Variants in TMCO4 observed in about 807,000 individuals in gnomAD.
TMCO4 encodes the protein transmembrane and coiled-coil domains 4.
A neutral mutation model predicts 64.7 loss-of-function variants in TMCO4; 58 were observed. The observed-to-expected ratio is 0.90, with a 90% confidence interval of 0.73 to 1.12. The LOEUF (loss-of-function observed/expected upper bound fraction) is 1.12. Among genes scored for constraint, TMCO4 ranks in the 50% most tolerant of loss-of-function variants. TMCO4 has a pLI of 0.00. For synonymous variants in TMCO4, 325 were observed against 346.1 expected (o/e 0.94, Z 0.68); for missense variants, 780 against 825.9 (o/e 0.94, Z 0.68).
At chr1:19,782,388 G>A (rs1323681072) in intron 3 of TMCO4, among the ~76,000 whole-genome samples, 2 of 152,174 alleles carry the variant, frequency 1.3e-5, no homozygotes, top group Admixed American at 6.5e-5. Flanking sequence ...CATGTGGGAG[G>A]GAGTATTGGC....
intron 15 of TMCO4, among the ~76,000 whole-genome samples, chr1:19,692,013 C>A (rs2095199097): frequency 6.6e-6 from 1 of 152,180 alleles, no homozygotes; most frequent in African/African-American, 2.4e-5. Flanking sequence ...GCCTCCCCAG[C>A]CACGTGAAAT....
At chr1:19,741,666 C>A (rs1053338019) in intron 10 of TMCO4, among the ~76,000 whole-genome samples, 1 of 152,086 alleles carries the variant, frequency 6.6e-6, no homozygotes, top group Non-Finnish European at 1.5e-5. Flanking sequence ...AGTATAGGAG[C>A]ACAGAGGGGC....
At position 19,780,685 on chromosome 1, in the gene TMCO4, T is replaced by A. The variant is rs1181356132; in HGVS notation, c.74A>T (p.Glu25Val). The A allele has an allele frequency of 6.2e-7, 1 of 1,613,608 alleles. No homozygotes were observed. ...CTCCCGGCCCGTGGGCAGGTGTGGCTCCCCCTCTGCAGTGGGCTCAGCTAC... is the reference window on the plus strand; with the variant it reads ...CTCCCGGCCCGTGGGCAGGTGTGGCACCCCCTCTGCAGTGGGCTCAGCTAC... ...PLVAEPTAEGEPHLPTGRELT... is the reference protein window; with the variant it reads ...PLVAEPTAEGVPHLPTGRELT... The change falls in exon 4 of 16, where the codon GAG becomes GTG. Residue 25 changes from glutamate to valine, a missense_variant. Coordinates refer to ENST00000294543, the MANE Select transcript of TMCO4 (RefSeq NM_181719.7).
intron 6 of TMCO4, among the ~76,000 whole-genome samples, chr1:19,766,601 C>T (rs1386620194): frequency 1.3e-5 from 2 of 152,170 alleles, no homozygotes; most frequent in Non-Finnish European, 2.9e-5. Flanking sequence ...CCCTGCCTGC[C>T]AGCTCCATGC....
chr1:19,756,006 G>T (rs545282943), intron 6 of TMCO4, among the ~76,000 whole-genome samples: 9 of 152,292 alleles, frequency 5.9e-5, no homozygotes, highest in African/African-American at 1.9e-4. Context: ...CAGCACTTCG[G>T]GGGGCTGAGG....
In TMCO4 at chr1:19,713,252, G is replaced by A. The variant is rs181152865; in HGVS notation, c.1265-12367C>T. 3.5e-3 allele frequency among the ~76,000 whole-genome samples: 540 copies of A among 152,224 alleles called. 3 individuals are homozygous for A. Among genetic ancestry groups the A allele is most frequent in the South Asian group, 5.6e-3 (27 of 4,824 alleles). On this transcript the variant is annotated intron_variant, in intron 13 of 15. Coordinates refer to ENST00000294543, the MANE Select transcript of TMCO4 (RefSeq NM_181719.7). Reference sequence around the variant, plus strand: ...ACAGGCAGGGGTGGGAATTATGGCCGTTTTTTGCCATCAGTCTACCACAGA... The same window carrying A: ...ACAGGCAGGGGTGGGAATTATGGCCATTTTTTGCCATCAGTCTACCACAGA...
intron 14 of TMCO4, among the ~76,000 whole-genome samples, chr1:19,695,310 G>A (rs2095228781): frequency 6.6e-6 from 1 of 152,190 alleles, no homozygotes; most frequent in African/African-American, 2.4e-5. Context: ...CAGAGGACAT[G>A]GTCTGAGGGG....
intron 13 of TMCO4, among the ~76,000 whole-genome samples, chr1:19,714,095 TCTAA>T (rs72263718): frequency 0.054 from 8,196 of 152,076 alleles, 659 homozygotes; most frequent in East Asian, 0.45. Context: ...CACCACCACA[TCTAA>T]CTAATTTTTA....
rs543465615 is a variant in TMCO4, at chr1:19,736,830, G to C, written c.1264+542C>G. ...AGAACCTGTGAATGCGACCTCATCT[G>C]GTAAAAGGGTCGTTGCAGATATAAT... On this transcript the variant is annotated intron_variant, in intron 13 of 15. Coordinates refer to ENST00000294543, the MANE Select transcript of TMCO4 (RefSeq NM_181719.7). 1.1e-4 allele frequency among the ~76,000 whole-genome samples: 16 copies of C among 152,288 alleles called. 1 individual carries two copies. The South Asian group carries it at 3.3e-3, about 32-fold the overall frequency.
intron 13 of TMCO4, among the ~76,000 whole-genome samples, chr1:19,707,513 C>T (rs2095308503): frequency 6.6e-6 from 1 of 152,222 alleles, no homozygotes; most frequent in South Asian, 2.1e-4. Flanking sequence ...ATCCCAACTT[C>T]TTGGGAGGCT....
intron 13 of TMCO4, among the ~76,000 whole-genome samples, chr1:19,709,503 A>G (rs933658507): frequency 2.6e-5 from 4 of 152,190 alleles, no homozygotes; most frequent in African/African-American, 9.7e-5. Context: ...TCTCTTCTGC[A>G]TTTCAGCTGA....
At chr1:19,756,076 C>A (rs944846478) in intron 6 of TMCO4, among the ~76,000 whole-genome samples, 1 of 151,918 alleles carries the variant, frequency 6.6e-6, no homozygotes, top group Admixed American at 6.6e-5. Flanking sequence ...GTGAGACCCC[C>A]TCACCTCTAC....
At chr1:19,712,637 A>G (rs940251362) in intron 13 of TMCO4, among the ~76,000 whole-genome samples, 4 of 152,074 alleles carry the variant, frequency 2.6e-5, no homozygotes, top group African/African-American at 9.7e-5. Context: ...AAAAAAAAGA[A>G]AAAAGAAAAG....
intron 13 of TMCO4, among the ~76,000 whole-genome samples, chr1:19,704,568 G>T (rs1284570236): frequency 6.6e-6 from 1 of 152,216 alleles, no homozygotes; most frequent in African/African-American, 2.4e-5. Context: ...AGTGCCAAAT[G>T]GTTGTGGACC....
At position 19,694,464 on chromosome 1, in the gene TMCO4, C is replaced by G; in HGVS notation, c.1470G>C (p.Arg490Ser). ...AGLQPVLLQD[R>S]RVENVDLTSV... ...AGGTCAGGTCCACGTTCTCCACCCT[C>G]CTGTCCTGCAGCAGCACGGGCTGTA... Residue 490 changes from arginine to serine, a missense_variant, in exon 15 of 16, where the codon AGG (arginine) becomes AGC (serine). Transcript: ENST00000294543. The G allele has an allele frequency of 6.2e-7, 1 of 1,614,172 alleles. No individual in the cohort carries two copies. The highest frequency in any genetic ancestry group is 8.5e-7 in the Non-Finnish European group (1 of 1,179,986).
chr1:19,706,262 A>C (rs1380185491), intron 13 of TMCO4, among the ~76,000 whole-genome samples: 1 of 152,176 alleles, frequency 6.6e-6, no homozygotes, highest in African/African-American at 2.4e-5. Flanking sequence ...AATCCTTCAG[A>C]TCATCATGTG....
intron 12 of TMCO4, among the ~76,000 whole-genome samples, chr1:19,738,034 G>A (rs184289568): frequency 1.3e-5 from 2 of 152,376 alleles, no homozygotes; most frequent in East Asian, 1.9e-4. Flanking sequence ...GTAAGAAAAG[G>A]TAACTGATCA....
intron 10 of TMCO4, among the ~76,000 whole-genome samples, chr1:19,742,823 G>A (rs1023287609): frequency 6.6e-6 from 1 of 152,126 alleles, no homozygotes; most frequent in South Asian, 2.1e-4. Flanking sequence ...AGGCCGAGGC[G>A]GGTGGATCAT....
Position 19,747,896 on chromosome 1 carries a change from G to T in TMCO4, c.516-636C>A, listed in dbSNP as rs533283867. ...TTTCCTATTGGACATTCAGCCCTGA[G>T]CCCCTTTGCTGCGGCTGGGATGGAG... On this transcript the variant is annotated intron_variant, in intron 7 of 15. Coordinates refer to ENST00000294543, the MANE Select transcript of TMCO4 (RefSeq NM_181719.7). Among the ~76,000 whole-genome samples, 5 of 152,322 alleles carry T rather than the reference G, an allele frequency of 3.3e-5. No homozygotes were observed. In the South Asian group the frequency reaches 1.0e-3, roughly 32 times the overall value.
Sources: allele counts gnomAD v4.1 joint callset (sites outside exome capture counted in the v4.1 genomes callset), GRCh38; gene constraint gnomAD v4.1.1; transcripts MANE v1.5; gene names NCBI Gene and HGNC (gene_info 2026-07-23, HGNC 2026-07-21).